Variants in FYB1 observed in about 807,000 individuals in gnomAD.
FYB1 encodes FYN binding protein 1.
FYB1 carries 41 observed loss-of-function variants against 94.1 expected under a neutral mutation model. The observed-to-expected ratio is 0.44, with a 90% confidence interval of 0.34 to 0.57. FYB1 has a LOEUF of 0.57. FYB1 is among the 20% of genes least tolerant of loss of function. FYB1 has a pLI of 0.02. For missense variants in FYB1, 1,050 were observed against 976.8 expected, an observed-to-expected ratio of 1.07 and a Z score of -1.00; for synonymous variants, 367 against 353.2, an observed-to-expected ratio of 1.04 and a Z score of -0.44.
intron 1 of FYB1, among the ~76,000 whole-genome samples, chr5:39,267,842 G>A (rs929542101): frequency 6.6e-6 from 1 of 152,156 alleles, no homozygotes; most frequent in Non-Finnish European, 1.5e-5. Context: ...TGGCTACTTT[G>A]CTAGGAATTC....
chr5:39,245,031 TTTC>T (rs1751406589), intron 1 of FYB1, among the ~76,000 whole-genome samples: 1 of 152,208 alleles, frequency 6.6e-6, no homozygotes, highest in Non-Finnish European at 1.5e-5. Context: ...TATTTTCTCT[TTTC>T]TTCTTTATTA....
intron 2 of FYB1, among the ~76,000 whole-genome samples, chr5:39,187,502 A>T (rs1746942650): frequency 6.6e-6 from 1 of 152,212 alleles, no homozygotes; most frequent in Non-Finnish European, 1.5e-5. Flanking sequence ...CTAAATGATG[A>T]GACATCTAGA....
intron 2 of FYB1, among the ~76,000 whole-genome samples, chr5:39,171,362 G>A (rs1330497196): frequency 6.6e-6 from 1 of 152,018 alleles, no homozygotes; most frequent in Non-Finnish European, 1.5e-5. Context: ...TAGTTTTTAA[G>A]TTGTGGAATC....
chr5:39,254,941 G>A (rs890324878), intron 1 of FYB1, among the ~76,000 whole-genome samples: 60 of 152,282 alleles, frequency 3.9e-4, no homozygotes, highest in African/African-American at 1.4e-3. Flanking sequence ...AGCAGCAAAA[G>A]CACAGCTGTA....
rs183835605 is a variant in FYB1, at chr5:39,117,906, T to G, written c.2401+968A>C. Among the ~76,000 whole-genome samples, 10 of 152,256 alleles carry G rather than the reference T, an allele frequency of 6.6e-5. No homozygotes were observed. In the East Asian group the frequency reaches 1.9e-3, roughly 29 times the overall value. On this transcript the variant is annotated intron_variant, in intron 16 of 18. Transcript: ENST00000512982. Reference sequence around the variant, plus strand: ...TTTATTTTCTAATTTTTTCTGTTTGTTTGTTTCTTGAGTCAGGGTCTCACT... The same window carrying G: ...TTTATTTTCTAATTTTTTCTGTTTGGTTGTTTCTTGAGTCAGGGTCTCACT...
At chr5:39,150,194 C>A (rs1262285719) in intron 3 of FYB1, among the ~76,000 whole-genome samples, 1 of 152,072 alleles carries the variant, frequency 6.6e-6, no homozygotes, top group African/African-American at 2.4e-5. Flanking sequence ...TGTTATCTGG[C>A]CTTTTGGGAA....
chr5:39,126,315 A>C (rs1740665926), intron 11 of FYB1, among the ~76,000 whole-genome samples, 180 bp from the exon 12 acceptor site: 1 of 147,994 alleles, frequency 6.8e-6, no homozygotes, highest in African/African-American at 2.6e-5. Context: ...TGGTGATTGA[A>C]TACTGCTCCT....
rs1169274390 is a variant in FYB1, at chr5:39,126,030, T to A, written c.2013A>T (p.Lys671Asn). The A allele has an allele frequency of 6.2e-7, 1 of 1,613,516 alleles. No homozygotes were observed. The highest frequency in any genetic ancestry group is 8.5e-7 in the Non-Finnish European group (1 of 1,179,648). The change falls in exon 12 of 19, where the codon AAA becomes AAT. Residue 671 changes from lysine (K) to asparagine (N), a missense_variant. Lys to Asn is a moderately conservative substitution (Grantham distance 94). Transcript: ENST00000512982. Reference sequence around the variant, plus strand: ...CTTCATTATTGTCTGAGTCAGAGACTTTAGGTTTCTCTCGTATACTTTTCT... The same window carrying A: ...CTTCATTATTGTCTGAGTCAGAGACATTAGGTTTCTCTCGTATACTTTTCT... ...DRKKSIREKP[K>N]VSDSDNNEGS...
chr5:39,258,991 T>C (rs938271837), intron 1 of FYB1, among the ~76,000 whole-genome samples: 1 of 152,062 alleles, frequency 6.6e-6, no homozygotes, highest in Non-Finnish European at 1.5e-5. Context: ...CTCAGCAACA[T>C]GAAAGGGGAC....
chr5:39,109,623 G>A (rs2150252884), intron 17 of FYB1, among the ~76,000 whole-genome samples: 1 of 152,190 alleles, frequency 6.6e-6, no homozygotes, highest in South Asian at 2.1e-4. Context: ...TCAGGTTGTT[G>A]ATGGGTACAC....
chr5:39,198,122 A>C (rs1287318272), intron 2 of FYB1, among the ~76,000 whole-genome samples: 1 of 152,238 alleles, frequency 6.6e-6, no homozygotes, highest in African/African-American at 2.4e-5. Context: ...CAAATTCTGT[A>C]TTAAGCACTT....
intron 1 of FYB1, among the ~76,000 whole-genome samples, chr5:39,217,908 A>G (rs1487722497): frequency 6.6e-6 from 1 of 152,222 alleles, no homozygotes; most frequent in Non-Finnish European, 1.5e-5. Flanking sequence ...TTTAAAGCAC[A>G]TTGAGGCTGG....
chr5:39,233,467 T>C (rs1039862235), intron 1 of FYB1, among the ~76,000 whole-genome samples: 6 of 152,198 alleles, frequency 3.9e-5, no homozygotes, highest in Non-Finnish European at 7.3e-5. Context: ...TTCAAGACCA[T>C]TGAATGCTTA....
At chr5:39,149,968 A>G (rs1190771744) in intron 3 of FYB1, among the ~76,000 whole-genome samples, 2 of 152,072 alleles carry the variant, frequency 1.3e-5, no homozygotes, top group African/African-American at 4.8e-5. Context: ...TTAAACCCAG[A>G]ACTTCTTACC....
At chr5:39,206,845 C>A (rs536449869) in intron 1 of FYB1, among the ~76,000 whole-genome samples, 4 of 152,296 alleles carry the variant, frequency 2.6e-5, no homozygotes, top group African/African-American at 9.6e-5. Flanking sequence ...CCTTCTCCCA[C>A]TTTTCACACA....
intron 17 of FYB1, 59 bp from the exon 18 acceptor site, chr5:39,108,321 A>G: frequency 2.2e-6 from 3 of 1,393,966 alleles, no homozygotes; most frequent in Non-Finnish European, 2.9e-6. Context: ...CATTAGAGCA[A>G]TATATAGAAG....
At chr5:39,163,954 C>T (rs936145753) in intron 2 of FYB1, among the ~76,000 whole-genome samples, 2 of 152,148 alleles carry the variant, frequency 1.3e-5, no homozygotes, top group African/African-American at 2.4e-5. Flanking sequence ...CTCAGATGAA[C>T]ACTTTCAATT....
chr5:39,160,954 A>T (rs1561194080), intron 2 of FYB1, among the ~76,000 whole-genome samples: 1 of 152,166 alleles, frequency 6.6e-6, no homozygotes, highest in Non-Finnish European at 1.5e-5. Context: ...ATTGCCACAC[A>T]TCTGACCATT....
At chr5:39,270,634 A>G in intron 1 of FYB1, 1 of 1,508,022 alleles carries the variant, frequency 6.6e-7, no homozygotes, top group Non-Finnish European at 8.9e-7. Context: ...CAGCTTGGAT[A>G]GTGAATGTGC....
Sources: gnomAD v4.1 joint callset for allele counts (sites outside exome capture counted in the v4.1 genomes callset) on GRCh38, gnomAD v4.1.1 for gene constraint, MANE v1.5 for transcripts, NCBI Gene and HGNC (gene_info 2026-07-23, HGNC 2026-07-21) for gene names.